The following UBE2K variants were observed in gnomAD, a reference collection of about 807,000 sequenced individuals.
UBE2K encodes ubiquitin-conjugating enzyme E2 K.
A neutral mutation model predicts 30.0 loss-of-function variants in UBE2K; 6 were observed. The observed-to-expected ratio is 0.20, with a 90% CI of 0.11 to 0.39. The LOEUF is 0.39. Ranked by LOEUF, UBE2K falls within the 10% of genes least tolerant of loss-of-function variation. UBE2K has a pLI of 1.00. For missense variants in UBE2K, 61 were observed against 241.6 expected (o/e 0.25, Z 4.96); for synonymous variants, 86 against 83.7 (o/e 1.03, Z -0.15).
chr4:39,706,645 A>G (rs938581438), intron 1 of UBE2K, among the ~76,000 whole-genome samples: 4 of 150,870 alleles, frequency 2.7e-5, no homozygotes, highest in Non-Finnish European at 4.4e-5. Flanking sequence ...AATTTTTTAT[A>G]TTGTTAGTAG....
intron 2 of UBE2K, 151 bp downstream of exon 2, chr4:39,737,664 A>G: frequency 1.8e-6 from 1 of 545,466 alleles, no homozygotes; most frequent in Non-Finnish European, 3.1e-6. Flanking sequence ...AAATTTAGAT[A>G]CTGAATATAG....
intron 4 of UBE2K, among the ~76,000 whole-genome samples, chr4:39,765,545 C>T (rs1011472233): frequency 1.1e-4 from 16 of 152,000 alleles, no homozygotes; most frequent in South Asian, 2.1e-4. Context: ...CAGGGCCAGG[C>T]GCAGTGGCTC....
chr4:39,769,270 GA>G (rs778385428), intron 4 of UBE2K, among the ~76,000 whole-genome samples: 1 of 144,554 alleles, frequency 6.9e-6, no homozygotes, highest in South Asian at 2.3e-4. Flanking sequence ...AACAAAAGTA[GA>G]AAAACTAAAA....
intron 3 of UBE2K, among the ~76,000 whole-genome samples, chr4:39,754,644 G>A (rs1721436279): frequency 2.0e-5 from 3 of 152,108 alleles, no homozygotes; most frequent in Non-Finnish European, 4.4e-5. Context: ...TAGTAGCTGG[G>A]AGTACAGGTG....
At chr4:39,706,996 T>G (rs1484812075) in intron 1 of UBE2K, among the ~76,000 whole-genome samples, 1 of 152,082 alleles carries the variant, frequency 6.6e-6, no homozygotes, top group East Asian at 1.9e-4. Context: ...AGCCTCCGCC[T>G]CCTGGCTTCA....
chr4:39,740,724 G>A (rs1190529694), intron 2 of UBE2K, among the ~76,000 whole-genome samples: 1 of 150,836 alleles, frequency 6.6e-6, no homozygotes, highest in Non-Finnish European at 1.5e-5. Context: ...TTAGCCAGGC[G>A]TGATGGTGGG....
At chr4:39,740,468 G>T (rs948364387) in intron 2 of UBE2K, among the ~76,000 whole-genome samples, 1 of 151,108 alleles carries the variant, frequency 6.6e-6, no homozygotes, top group African/African-American at 2.4e-5. Flanking sequence ...CGTGAACCCC[G>T]GGAGGCGGAG....
chr4:39,773,196 G>C (rs957447805), intron 4 of UBE2K, among the ~76,000 whole-genome samples: 1 of 151,996 alleles, frequency 6.6e-6, no homozygotes, highest in Non-Finnish European at 1.5e-5. Context: ...ATGGCCGGGC[G>C]CGGTGGCTCA....
chr4:39,715,176 C>G (rs1235826221), intron 1 of UBE2K, among the ~76,000 whole-genome samples: 1 of 151,828 alleles, frequency 6.6e-6, no homozygotes, highest in African/African-American at 2.4e-5. Context: ...CAGGCGCCCG[C>G]CACCACGCCC....
chr4:39,746,170 A>G (rs1720979750), intron 3 of UBE2K, among the ~76,000 whole-genome samples: 1 of 152,120 alleles, frequency 6.6e-6, no homozygotes. Context: ...TTAGGAGAGT[A>G]CCTTCTACAT....
chr4:39,707,773 G>A (rs577102103), intron 1 of UBE2K, among the ~76,000 whole-genome samples: 1 of 152,096 alleles, frequency 6.6e-6, no homozygotes, highest in East Asian at 1.9e-4. Flanking sequence ...TCCTGCCTCA[G>A]CCTCCCAAAG....
intron 3 of UBE2K, among the ~76,000 whole-genome samples, chr4:39,748,251 G>A (rs932273907): frequency 1.3e-5 from 2 of 151,868 alleles, no homozygotes; most frequent in Non-Finnish European, 2.9e-5. Context: ...TAGAGACAGG[G>A]TCTTACTCTG....
At chr4:39,728,586 T>G (rs1001976331) in intron 1 of UBE2K, among the ~76,000 whole-genome samples, 1 of 152,086 alleles carries the variant, frequency 6.6e-6, no homozygotes, top group South Asian at 2.1e-4. Flanking sequence ...CTTCTTTCCT[T>G]TCTTTCCTTT....
chr4:39,768,243 A>T (rs1294408376), intron 4 of UBE2K, among the ~76,000 whole-genome samples: 7 of 146,446 alleles, frequency 4.8e-5, no homozygotes, highest in Admixed American at 1.4e-4. Context: ...GTTTGAGACC[A>T]GCCTGGCCAA....
At chr4:39,731,310 G>A (rs1720063210) in intron 1 of UBE2K, among the ~76,000 whole-genome samples, 3 of 152,148 alleles carry the variant, frequency 2.0e-5, no homozygotes, top group African/African-American at 7.2e-5. Flanking sequence ...TCATACATGT[G>A]TCTCCATGGC....
rs548786315 is a variant in UBE2K at position 39,744,530 on chromosome 4, G to A, written c.158-1222G>A. Among the ~76,000 whole-genome samples the A allele has an allele frequency of 1.4e-3, 210 of 152,136 alleles. 1 individual carries two copies. The highest frequency in any genetic ancestry group is 3.3e-3 in the Admixed American group (51 of 15,272). The stretch of plus-strand genomic sequence containing the variant: ...TAGTTGCTCAAGATAACTTCAAAAC[G>A]AAACAAAAAGTTGCCTTCTGTTTGT... On this transcript the variant is annotated intron_variant, in intron 2 of 6. Transcript: ENST00000261427.
chr4:39,778,134 A>G (rs1186454043), intron 6 of UBE2K, among the ~76,000 whole-genome samples: 2 of 150,096 alleles, frequency 1.3e-5, no homozygotes, highest in Non-Finnish European at 3.0e-5. Flanking sequence ...GGAAAATAAG[A>G]GAAAATCTAG....
chr4:39,716,762 C>T (rs1410733509), intron 1 of UBE2K, among the ~76,000 whole-genome samples: 6 of 152,174 alleles, frequency 3.9e-5, no homozygotes, highest in South Asian at 4.1e-4. Context: ...CTTTAGGAGG[C>T]CAAGGCGGGT....
chr4:39,767,490 A>AT (rs1178223253), intron 4 of UBE2K, among the ~76,000 whole-genome samples: 1 of 151,552 alleles, frequency 6.6e-6, no homozygotes, highest in Non-Finnish European at 1.5e-5. Context: ...CGCCCGGCTA[A>AT]TTTTTTTGTA....
Sources: allele counts gnomAD v4.1 joint callset (sites outside exome capture counted in the v4.1 genomes callset), GRCh38; gene constraint gnomAD v4.1.1; transcripts MANE v1.5; gene names NCBI Gene and HGNC (gene_info 2026-07-23, HGNC 2026-07-21).